The following KCNIP4 variants were observed in gnomAD, a reference collection of about 807,000 sequenced individuals.
The protein encoded by KCNIP4 is Kv channel-interacting protein 4.
In KCNIP4, 12 loss-of-function variants were observed where a neutral mutation model predicts 34.0. That is an observed-to-expected ratio of 0.35 (90% CI 0.23 to 0.57). The LOEUF is 0.57. Among genes scored for constraint, KCNIP4 ranks in the 20% least tolerant of loss-of-function variants. KCNIP4 has a pLI of 0.83. For missense variants in KCNIP4, 238 were observed against 311.7 expected, an observed-to-expected ratio of 0.76 and a Z score of 1.78; for synonymous variants, 124 against 102.2, an observed-to-expected ratio of 1.21 and a Z score of -1.29.
chr4:21,641,005 G>C (rs1746576421), intron 1 of KCNIP4, among the ~76,000 whole-genome samples: 2 of 152,228 alleles, frequency 1.3e-5, no homozygotes, highest in Non-Finnish European at 2.9e-5. Context: ...CTACTACTGA[G>C]CTAAAAGCCT....
chr4:21,624,671 GATA>G (rs1336010954), intron 1 of KCNIP4, among the ~76,000 whole-genome samples: 2 of 152,016 alleles, frequency 1.3e-5, no homozygotes, highest in Non-Finnish European at 2.9e-5. Context: ...TGGAGTCTCA[GATA>G]ATAATAAATA....
rs114112777 is a variant in KCNIP4, at chr4:20,987,235, T to C, written c.62-104526A>G. Among the ~76,000 whole-genome samples the C allele has an allele frequency of 4.7e-3, 716 of 152,268 alleles. 9 individuals carry two copies. Among genetic ancestry groups the C allele is most frequent in the African/African-American group, 0.016 (681 of 41,552 alleles). ...TGAGACTCTACCTCTATTTTTAATG[T>C]TTAAAAATTTAAAAAAGTAACTCCA... On this transcript the variant is annotated intron_variant, in intron 1 of 8. Transcript: ENST00000382152.
chr4:20,795,667 G>A (rs540381607), intron 3 of KCNIP4, among the ~76,000 whole-genome samples: 1 of 152,180 alleles, frequency 6.6e-6, no homozygotes, highest in South Asian at 2.1e-4. Flanking sequence ...TTGGTACATT[G>A]TTGCCTACCA....
chr4:21,065,749 T>TAC lies in KCNIP4; in HGVS notation c.62-183041_62-183040insGT, dbSNP rs1457385455. ...GTCTATATATATATATATATATATA[T>TAC]ATATATATATATATATAACTCAATT... On this transcript the variant is annotated intron_variant, in intron 1 of 8. Coordinates refer to ENST00000382152, the MANE Select transcript of KCNIP4 (RefSeq NM_025221.6). 1.5e-4 allele frequency among the ~76,000 whole-genome samples: 21 copies of TAC among 143,818 alleles called. 1 individual carries two copies. The highest frequency in any genetic ancestry group is 5.1e-5 in the African/African-American group (2 of 39,216). 94.4% of individuals were successfully genotyped at this position (143,818 alleles called of 152,430 possible).
At chr4:21,205,642 T>C (rs1384175893) in intron 1 of KCNIP4, among the ~76,000 whole-genome samples, 1 of 152,208 alleles carries the variant, frequency 6.6e-6, no homozygotes, top group African/African-American at 2.4e-5. Flanking sequence ...ACTAACTCCT[T>C]TGTTATATCT....
chr4:20,787,929 T>C (rs1395231563), intron 3 of KCNIP4, among the ~76,000 whole-genome samples: 1 of 152,178 alleles, frequency 6.6e-6, no homozygotes, highest in African/African-American at 2.4e-5. Context: ...TCTAATCATA[T>C]CTTATGTAAT....
At chr4:20,864,169 T>C (rs1271443091) in intron 2 of KCNIP4, among the ~76,000 whole-genome samples, 9 of 71,526 alleles carry the variant, frequency 1.3e-4, no homozygotes, top group East Asian at 5.4e-4. Flanking sequence ...CACATGTATG[T>C]ATACACATGT....
intron 1 of KCNIP4, among the ~76,000 whole-genome samples, chr4:21,521,502 A>T (rs1425102751): frequency 6.6e-6 from 1 of 152,082 alleles, no homozygotes; most frequent in Non-Finnish European, 1.5e-5. Context: ...CTAAAACTGA[A>T]TTCATCCTGT....
intron 2 of KCNIP4, among the ~76,000 whole-genome samples, chr4:20,878,174 A>C (rs1724271264): frequency 6.6e-6 from 1 of 152,076 alleles, no homozygotes; most frequent in African/African-American, 2.4e-5. Flanking sequence ...TTTTTTAGTC[A>C]TTCTATGTAC....
intron 1 of KCNIP4, among the ~76,000 whole-genome samples, chr4:21,599,142 G>A (rs1277749667): frequency 1.3e-5 from 2 of 151,972 alleles, no homozygotes; most frequent in Admixed American, 6.6e-5. Flanking sequence ...GGGACCCTTC[G>A]GGAAATGTTC....
chr4:20,878,337 T>C (rs1724289568), intron 2 of KCNIP4, among the ~76,000 whole-genome samples: 1 of 152,226 alleles, frequency 6.6e-6, no homozygotes, highest in East Asian at 1.9e-4. Context: ...CAATAAACCA[T>C]GGCCCTTTCC....
Position 21,248,060 on chromosome 4 carries a change from A to ATGTGTGTGTGTG in KCNIP4, c.62-365363_62-365352dup, listed in dbSNP as rs111240655. 8.4e-3 allele frequency among the ~76,000 whole-genome samples: 1,217 copies of ATGTGTGTGTGTG among 145,340 alleles called. 19 individuals carry two copies. Among genetic ancestry groups the ATGTGTGTGTGTG allele is most frequent in the African/African-American group, 0.026 (1,031 of 39,052 alleles). On this transcript the variant is annotated intron_variant, in intron 1 of 8. Transcript: ENST00000382152. Reference sequence around the variant, plus strand: ...CACCACAGGTGGAGCATATATATATATGTGTGTGTGTGTGTGTGTTCTGCA... The same window carrying ATGTGTGTGTGTG: ...CACCACAGGTGGAGCATATATATATATGTGTGTGTGTGTGTGTGTGTGTGTGTGTGTTCTGCA...
chr4:21,697,057 G>A (rs1331812511), intron 1 of KCNIP4, among the ~76,000 whole-genome samples: 3 of 151,536 alleles, frequency 2.0e-5, no homozygotes, highest in African/African-American at 7.3e-5. Flanking sequence ...GCACAATCAT[G>A]TATTTAAAAA....
chr4:21,831,462 G>T (rs746180507), intron 1 of KCNIP4, among the ~76,000 whole-genome samples: 1 of 147,502 alleles, frequency 6.8e-6, no homozygotes, highest in Non-Finnish European at 1.5e-5. Context: ...AGTGACAGAG[G>T]AATCACACTT....
At chr4:21,081,364 TA>T (rs1335340805) in intron 1 of KCNIP4, among the ~76,000 whole-genome samples, 2 of 151,780 alleles carry the variant, frequency 1.3e-5, no homozygotes, top group East Asian at 1.9e-4. Context: ...ATTATGCCCA[TA>T]TTTTTTTGAT....
chr4:21,057,966 CTAGT>C (rs1378165055), intron 1 of KCNIP4, among the ~76,000 whole-genome samples: 1 of 151,966 alleles, frequency 6.6e-6, no homozygotes, highest in Middle Eastern at 3.2e-3. Flanking sequence ...GCAATGCATG[CTAGT>C]TAAACTTATT....
At chr4:21,776,876 CCT>C (rs1560706582) in intron 1 of KCNIP4, among the ~76,000 whole-genome samples, 3 of 152,284 alleles carry the variant, frequency 2.0e-5, no homozygotes, top group Admixed American at 6.5e-5. Context: ...AACTCTCCTG[CCT>C]CAGCCTCCCA....
intron 1 of KCNIP4, among the ~76,000 whole-genome samples, chr4:21,543,096 A>G (rs1457513240): frequency 6.6e-6 from 1 of 152,074 alleles, no homozygotes; most frequent in East Asian, 1.9e-4. Flanking sequence ...TGTATATAAT[A>G]TTACAAATAA....
At chr4:21,687,586 A>G (rs565126527) in intron 1 of KCNIP4, among the ~76,000 whole-genome samples, 7 of 152,148 alleles carry the variant, frequency 4.6e-5, no homozygotes, top group African/African-American at 1.7e-4. Flanking sequence ...TAAATATTCT[A>G]TGTTATTTTA....
Sources: allele counts gnomAD v4.1 joint callset (sites outside exome capture counted in the v4.1 genomes callset), GRCh38; gene constraint gnomAD v4.1.1; transcripts MANE v1.5; gene names NCBI Gene and HGNC (gene_info 2026-07-23, HGNC 2026-07-21).